SLCO1B3: variants seen among roughly 807,000 people sequenced by gnomAD.
SLCO1B3 encodes solute carrier organic anion transporter family member 1B3, also known as liver-specific organic anion transporter 2.
In SLCO1B3, 72 loss-of-function variants were observed where a neutral mutation model predicts 71.8. That is an observed-to-expected ratio of 1.00 (90% CI 0.83 to 1.22). The LOEUF (loss-of-function observed/expected upper bound fraction) is 1.22, where lower values mean the gene tolerates loss of function less well. Ranked by LOEUF, SLCO1B3 falls within the 50% of genes most tolerant of loss-of-function variation. The pLI is 0.00. For missense variants in SLCO1B3, 911 were observed against 819.7 expected, an observed-to-expected ratio of 1.11 and a Z score of -1.36; for synonymous variants, 298 against 278.4, an observed-to-expected ratio of 1.07 and a Z score of -0.70.
intron 15 of SLCO1B3, chr12:20,901,845 TG>T (rs1460705567): frequency 5.3e-4 from 225 of 423,124 alleles, no homozygotes; most frequent in Non-Finnish European, 6.2e-4. Context: ...TCTGGTTATA[TG>T]GTAATTGAGG....
intron 12 of SLCO1B3, among the ~76,000 whole-genome samples, chr12:20,881,699 A>T (rs905802448): frequency 6.6e-6 from 1 of 151,910 alleles, no homozygotes; most frequent in Admixed American, 6.6e-5. Context: ...TGTGACACAT[A>T]TCCTGTTTTT....
In SLCO1B3 at chr12:20,815,806, G is replaced by A. The variant is rs781205713; in HGVS notation, c.68G>A (p.Arg23His). ...TCTTCAGAGAAAAAGAAAACAAGACGCTGCAATGGATTCAAGGTAGAATGG... is the reference window on the plus strand; with the variant it reads ...TCTTCAGAGAAAAAGAAAACAAGACACTGCAATGGATTCAAGGTAGAATGG... The part of the protein sequence containing the change: ...SASSEKKKTR[R>H]CNGFKMFLAA... The change falls in exon 3 of 16, where the codon CGC becomes CAC. Residue 23 changes from arginine (R) to histidine (H), a missense_variant. Transcript: ENST00000381545. 18 of 1,591,834 alleles carry A rather than the reference G, an allele frequency of 1.1e-5. No individual in the cohort carries two copies. Among genetic ancestry groups the A allele is most frequent in the African/African-American group, 9.4e-5 (7 of 74,430 alleles).
At chr12:20,854,981 T>C (rs974722690) in intron 3 of SLCO1B3, 47 bp from the exon 4 acceptor site, 3 of 1,544,634 alleles carry the variant, frequency 1.9e-6, no homozygotes, top group Admixed American at 1.8e-5. Context: ...AAACATTATA[T>C]AGTTCTTTGA....
intron 3 of SLCO1B3, among the ~76,000 whole-genome samples, chr12:20,822,495 C>T (rs1864333490): frequency 1.3e-5 from 2 of 152,054 alleles, no homozygotes; most frequent in African/African-American, 4.8e-5. Flanking sequence ...GGAATGTCAT[C>T]AGTTAAGGCG....
chr12:20,850,821 T>C (rs1267163269), intron 3 of SLCO1B3, among the ~76,000 whole-genome samples: 1 of 152,212 alleles, frequency 6.6e-6, no homozygotes, highest in Non-Finnish European at 1.5e-5. Context: ...TCCATGTTGC[T>C]GGAATACAAT....
chr12:20,877,983 G>T, intron 10 of SLCO1B3, 47 bp downstream of exon 10: 1 of 1,224,734 alleles, frequency 8.2e-7, no homozygotes, highest in South Asian at 1.4e-5. Flanking sequence ...AAACACTGCT[G>T]AGTACTTGTG....
chr12:20,860,363 G>A (rs74732556), intron 5 of SLCO1B3, among the ~76,000 whole-genome samples: 3,119 of 152,164 alleles, frequency 0.02, 112 homozygotes, highest in African/African-American at 0.071. Context: ...AATTTCCAAA[G>A]TACAAACACT....
rs182258401 is a variant in SLCO1B3, at chr12:20,812,374, C to T, written c.-180-1150C>T. On this transcript the variant is annotated intron_variant, in intron 1 of 15. Transcript: ENST00000381545. ...AGTAATGATTATTCGGGTATGTTCT[C>T]CAGTGGTACAGAAGGATGAGAGGAT... is the stretch of plus-strand genomic sequence containing the variant. 5.7e-4 allele frequency among the ~76,000 whole-genome samples: 82 copies of T among 145,060 alleles called. 1 individual carries two copies. In the East Asian group the frequency reaches 0.014, roughly 25 times the overall value.
intron 15 of SLCO1B3, among the ~76,000 whole-genome samples, chr12:20,905,376 T>G (rs1336960220): frequency 6.6e-6 from 1 of 152,230 alleles, no homozygotes; most frequent in Non-Finnish European, 1.5e-5. Flanking sequence ...ACAGCAGGCT[T>G]GATTTTATTC....
chr12:20,875,531 A>G, intron 9 of SLCO1B3, 54 bp downstream of exon 9: 2 of 1,533,176 alleles, frequency 1.3e-6, no homozygotes, highest in Non-Finnish European at 1.8e-6. Flanking sequence ...AATGAAACGG[A>G]GAAGTGAGTA....
chr12:20,849,478 C>T (rs1864979865), intron 3 of SLCO1B3, among the ~76,000 whole-genome samples: 1 of 151,950 alleles, frequency 6.6e-6, no homozygotes, highest in Non-Finnish European at 1.5e-5. Context: ...AGTTTTGTCC[C>T]TGTAATTAAA....
In SLCO1B3 at chr12:20,876,956, G is replaced by A. The variant is rs543121333; in HGVS notation, c.971-816G>A. 2.1e-4 allele frequency among the ~76,000 whole-genome samples: 32 copies of A among 152,006 alleles called. No individual in the cohort carries two copies. The South Asian group carries it at 2.3e-3, about 11-fold the overall frequency. On this transcript the variant is annotated intron_variant, in intron 9 of 15. Transcript: ENST00000381545. Reference sequence around the variant, plus strand: ...AGCAATTCTCCTGCCTCAGCCTCCCGAGTAGCTGGGACTACAGGCACACAC... The same window carrying A: ...AGCAATTCTCCTGCCTCAGCCTCCCAAGTAGCTGGGACTACAGGCACACAC...
intron 3 of SLCO1B3, among the ~76,000 whole-genome samples, chr12:20,824,616 A>G (rs960648811): frequency 5.3e-5 from 8 of 152,186 alleles, no homozygotes; most frequent in Admixed American, 2.6e-4. Flanking sequence ...GACAACATCT[A>G]CTAAGACATA....
At chr12:20,817,998 A>G (rs959825545) in intron 3 of SLCO1B3, among the ~76,000 whole-genome samples, 1 of 152,184 alleles carries the variant, frequency 6.6e-6, no homozygotes, top group Non-Finnish European at 1.5e-5. Context: ...AGAGCAGGGC[A>G]TGTATGAGTA....
chr12:20,876,656 T>A (rs1865585692), intron 9 of SLCO1B3, among the ~76,000 whole-genome samples: 1 of 152,110 alleles, frequency 6.6e-6, no homozygotes, highest in Non-Finnish European at 1.5e-5. Context: ...TGTATTACCA[T>A]GGAAATTGAA....
At chr12:20,821,996 T>C (rs1864321804) in intron 3 of SLCO1B3, among the ~76,000 whole-genome samples, 1 of 152,010 alleles carries the variant, frequency 6.6e-6, no homozygotes, top group Non-Finnish European at 1.5e-5. Context: ...GGTTGAGGGA[T>C]AGTGAAGGAA....
intron 3 of SLCO1B3, among the ~76,000 whole-genome samples, chr12:20,840,179 T>G (rs1407265804): frequency 6.6e-6 from 1 of 152,172 alleles, no homozygotes; most frequent in Non-Finnish European, 1.5e-5. Flanking sequence ...CTCTGTCTCT[T>G]CTAATTGTGT....
At position 20,916,016 on chromosome 12, in the gene SLCO1B3, G is replaced by A; in HGVS notation, c.1878G>A (p.Leu626=). 6.2e-7 allele frequency: 1 copy of A among 1,603,332 alleles called. No individual in the cohort carries two copies. The highest frequency in any genetic ancestry group is 1.3e-5 in the African/African-American group (1 of 74,506). Reference sequence around the variant, plus strand: ...TCTCTTTTCACAGAAGGGTCTACTTGGGCTTATCTATAGCTTTAAGATTCC... The same window carrying A: ...TCTCTTTTCACAGAAGGGTCTACTTAGGCTTATCTATAGCTTTAAGATTCC... The part of the protein sequence containing the change: ...YNSVFFGRVY[L]GLSIALRFPA... Residue 626 remains leucine, a synonymous_variant, in exon 16 of 16, where the codon TTG becomes TTA. Transcript: ENST00000381545.
chr12:20,849,872 C>T (rs1333953185), intron 3 of SLCO1B3, among the ~76,000 whole-genome samples: 2 of 151,774 alleles, frequency 1.3e-5, no homozygotes, highest in African/African-American at 2.4e-5. Context: ...AAAAAAATCA[C>T]ACACTGTAAA....
Sources: gnomAD v4.1 joint callset for allele counts (sites outside exome capture counted in the v4.1 genomes callset) on GRCh38, gnomAD v4.1.1 for gene constraint, MANE v1.5 for transcripts, NCBI Gene and HGNC (gene_info 2026-07-23, HGNC 2026-07-21) for gene names.